CCL26: variants seen among roughly 807,000 people sequenced by gnomAD.
CCL26 encodes C-C motif chemokine ligand 26.
A neutral mutation model predicts 10.7 loss-of-function variants in CCL26; 10 were observed. The observed-to-expected ratio is 0.93, with a 90% CI of 0.57 to 1.58. The LOEUF (loss-of-function observed/expected upper bound fraction) is 1.58, where lower values mean the gene tolerates loss of function less well. Among genes scored for constraint, CCL26 ranks in the 40% most tolerant of loss-of-function variants. The pLI is 0.00. For missense variants in CCL26, 116 were observed against 111.0 expected, an observed-to-expected ratio of 1.05 and a Z score of -0.20; for synonymous variants, 43 against 41.4, an observed-to-expected ratio of 1.04 and a Z score of -0.15.
chr7:75,781,320 G>A (rs1451633407), intron 1 of CCL26, among the ~76,000 whole-genome samples: 2 of 152,194 alleles, frequency 1.3e-5, no homozygotes, highest in Non-Finnish European at 2.9e-5. Flanking sequence ...TGCCTCCACT[G>A]TGAGACAAAC....
upstream of CCL26, among the ~76,000 whole-genome samples, chr7:75,775,842 G>GT (rs56702381): frequency 4.2e-4 from 32 of 75,558 alleles, no homozygotes; most frequent in Admixed American, 2.1e-3. Context: ...CCTTTTTTTA[G>GT]TTTTTTTTTT....
chr7:75,785,740 A>C (rs575270599), intron 1 of CCL26, among the ~76,000 whole-genome samples: 13 of 152,158 alleles, frequency 8.5e-5, no homozygotes, highest in African/African-American at 2.6e-4. Context: ...TCCTTTCCCC[A>C]TTCCTCTTTC....
At chr7:75,772,025 G>T (rs782386345) in intron 1 of CCL26, 22 bp from the exon 2 acceptor site, 2 of 1,606,940 alleles carry the variant, frequency 1.2e-6, no homozygotes, top group Admixed American at 1.7e-5. Context: ...GGAGAGGAAG[G>T]GTTTGGAGAT....
At chr7:75,789,183 G>A (rs1803268764) in intron 1 of CCL26, among the ~76,000 whole-genome samples, 1 of 149,578 alleles carries the variant, frequency 6.7e-6, no homozygotes, top group South Asian at 2.1e-4. Context: ...GGCCTCAAGT[G>A]ATCCTCCTGC....
intron 1 of CCL26, among the ~76,000 whole-genome samples, chr7:75,785,064 G>A (rs1394008429): frequency 6.6e-6 from 1 of 152,138 alleles, no homozygotes; most frequent in African/African-American, 2.4e-5. Context: ...TTCAGGATCT[G>A]CACCTTATCA....
At chr7:75,775,677 C>T (rs2115653905), upstream of CCL26, among the ~76,000 whole-genome samples, 1 of 152,218 alleles carries the variant, frequency 6.6e-6, no homozygotes, top group Non-Finnish European at 1.5e-5. Context: ...TGAGGGTTCT[C>T]TGTGACCAGG....
At chr7:75,775,285 C>G (rs1241549416), upstream of CCL26, among the ~76,000 whole-genome samples, 1 of 152,124 alleles carries the variant, frequency 6.6e-6, no homozygotes, top group Non-Finnish European at 1.5e-5. Flanking sequence ...CCTATTGACC[C>G]TGTTCTTTAC....
chr7:75,780,917 C>A (rs782234958), intron 1 of CCL26, among the ~76,000 whole-genome samples: 1 of 152,164 alleles, frequency 6.6e-6, no homozygotes, highest in African/African-American at 2.4e-5. Context: ...CCATGACTAG[C>A]CCTCCCCCAC....
At chr7:75,770,988 C>T (rs1395440124) in intron 2 of CCL26, among the ~76,000 whole-genome samples, 4 of 152,194 alleles carry the variant, frequency 2.6e-5, no homozygotes, top group Non-Finnish European at 5.9e-5. Context: ...ATACAAAACT[C>T]GGTGATGCAA....
chr7:75,772,310 C>A, upstream of CCL26: 2 of 649,174 alleles, frequency 3.1e-6, no homozygotes, highest in Non-Finnish European at 2.7e-6. Flanking sequence ...ACTTTTGACC[C>A]AACAAAGGAA....
chr7:75,776,195 C>T (rs1554528689), upstream of CCL26, among the ~76,000 whole-genome samples: 1 of 151,524 alleles, frequency 6.6e-6, no homozygotes, highest in Admixed American at 6.6e-5. Context: ...TCTCAGCCTC[C>T]CAAGTAGCTG....
upstream of CCL26, among the ~76,000 whole-genome samples, chr7:75,776,338 TG>T (rs1340914553): frequency 6.6e-6 from 1 of 151,774 alleles, no homozygotes; most frequent in African/African-American, 2.4e-5. Flanking sequence ...TCCCAAGTGC[TG>T]GGATTACAGG....
At chr7:75,783,959 A>C (rs1484460013) in intron 1 of CCL26, among the ~76,000 whole-genome samples, 3 of 152,148 alleles carry the variant, frequency 2.0e-5, no homozygotes, top group African/African-American at 7.2e-5. Flanking sequence ...CCTGACATTA[A>C]ATAAAGCTCC....
At chr7:75,787,651 CAAAAAAAAA>C (rs55770109) in intron 1 of CCL26, among the ~76,000 whole-genome samples, 2 of 27,748 alleles carry the variant, frequency 7.2e-5, no homozygotes, top group East Asian at 1.5e-3. Context: ...TCTCCAAAAG[CAAAAAAAAA>C]AAAAAAAAAA....
Position 75,771,940 on chromosome 7 carries a change from C to G in CCL26, c.137G>C (p.Trp46Ser). The G allele has an allele frequency of 5.0e-6, 8 of 1,614,134 alleles. No homozygotes were observed. Among genetic ancestry groups the G allele is most frequent in the Non-Finnish European group, 6.8e-6 (8 of 1,179,988 alleles). The change falls in exon 2 of 3, where the codon TGG becomes TCG. Residue 46 changes from tryptophan to serine, a missense_variant. Coordinates refer to ENST00000005180, the MANE Select transcript of CCL26 (RefSeq NM_001371938.1). ...ACTGGTGAATTCATAGCTTCGCACC[C>G]AGGTCCAGGGAAGGGGCTTGTGGCT... is the stretch of plus-strand genomic sequence containing the variant. ...QYSHKPLPWT[W>S]VRSYEFTSNS... is the part of the protein sequence containing the mutation.
At position 75,772,127 on chromosome 7, in the gene CCL26, C is replaced by G. The variant is rs1554528202; in HGVS notation, c.50G>C (p.Ser17Thr). The change falls in exon 1 of 3, where the codon AGT becomes ACT. Residue 17 changes from serine to threonine, a missense_variant. Ser to Thr is a moderately conservative substitution (Grantham distance 58, BLOSUM62 1). Transcript: ENST00000005180. ...ASAVLLASLL[S>T]LHLGTATRGS... ...ACGTGTGGCAGTTCCAAGGTGGAGA[C>G]TCAGGAGGGAGGCCAGGAGCACAGC... is the stretch of plus-strand genomic sequence containing the variant. 3.2e-6 allele frequency: 5 copies of G among 1,565,352 alleles called. No homozygotes were observed. The highest frequency in any genetic ancestry group is 1.4e-5 in the African/African-American group (1 of 73,606).
At chr7:75,779,988 C>G (rs1228651383) in intron 1 of CCL26, among the ~76,000 whole-genome samples, 2 of 150,380 alleles carry the variant, frequency 1.3e-5, no homozygotes, top group Admixed American at 6.6e-5. Context: ...AGGGGACAAG[C>G]ACCTCCTACC....
At chr7:75,782,253 G>T (rs374920228) in intron 1 of CCL26, among the ~76,000 whole-genome samples, 1 of 152,146 alleles carries the variant, frequency 6.6e-6, no homozygotes, top group Non-Finnish European at 1.5e-5. Context: ...AAACTCCGGC[G>T]CCAGTCACGG....
upstream of CCL26, among the ~76,000 whole-genome samples, chr7:75,790,202 TCTTTCTTTCTTTCTTTCTTCCTTC>T (rs1200108315): frequency 1.9e-3 from 203 of 108,846 alleles, 2 homozygotes; most frequent in African/African-American, 6.8e-3. Flanking sequence ...TTTCTTTCTT[TCTTTCTTTCTTTCTTTCTTCCTTC>T]CTTCCTTCCT....
Sources: gnomAD v4.1 joint callset for allele counts (sites outside exome capture counted in the v4.1 genomes callset) on GRCh38, gnomAD v4.1.1 for gene constraint, MANE v1.5 for transcripts, NCBI Gene and HGNC (gene_info 2026-07-23, HGNC 2026-07-21) for gene names.